The following FAM110B variants were observed in gnomAD, a reference collection of about 807,000 sequenced individuals.
The protein encoded by FAM110B is family with sequence similarity 110 member B.
A neutral mutation model predicts 20.4 loss-of-function variants in FAM110B; 6 were observed. The observed-to-expected ratio is 0.29, with a 90% CI of 0.16 to 0.58. The LOEUF is 0.58. FAM110B is among the 20% of genes least tolerant of loss of function. The probability of loss-of-function intolerance (pLI) is 0.90; values close to 1 mark genes in which losing one functional copy is unlikely to be tolerated. For synonymous variants in FAM110B, 226 were observed against 214.1 expected (o/e 1.06, Z -0.49); for missense variants, 434 against 498.2 (o/e 0.87, Z 1.23).
intron 2 of FAM110B, among the ~76,000 whole-genome samples, chr8:58,071,907 G>A (rs1429331760): frequency 1.3e-5 from 2 of 152,130 alleles, no homozygotes; most frequent in Non-Finnish European, 2.9e-5. Context: ...TACAAACCAC[G>A]CCTGTTCCCA....
chr8:58,079,684 G>A (rs1327174858), intron 3 of FAM110B, among the ~76,000 whole-genome samples: 1 of 152,086 alleles, frequency 6.6e-6, no homozygotes, highest in East Asian at 1.9e-4. Context: ...GGGAGGCTGA[G>A]GTGGGAGGAT....
intron 3 of FAM110B, among the ~76,000 whole-genome samples, chr8:58,127,802 A>G (rs1237938606): frequency 6.6e-6 from 1 of 152,264 alleles, no homozygotes; most frequent in East Asian, 1.9e-4. Context: ...AAAAAAATCA[A>G]AAGTCTAAAT....
intron 3 of FAM110B, among the ~76,000 whole-genome samples, chr8:58,113,820 C>T (rs1049836019): frequency 1.3e-5 from 2 of 152,194 alleles, no homozygotes; most frequent in Non-Finnish European, 2.9e-5. Flanking sequence ...AATGTCACTT[C>T]ATAGGTTTTC....
At chr8:58,076,624 A>G (rs1369963293) in intron 3 of FAM110B, among the ~76,000 whole-genome samples, 1 of 152,186 alleles carries the variant, frequency 6.6e-6, no homozygotes, top group African/African-American at 2.4e-5. Flanking sequence ...GTGGGGTCAA[A>G]GTACAGATGA....
intron 2 of FAM110B, among the ~76,000 whole-genome samples, chr8:58,063,900 A>T (rs533991125): frequency 4.4e-4 from 67 of 152,094 alleles, no homozygotes; most frequent in Non-Finnish European, 8.1e-4. Context: ...AATGCCTGAG[A>T]TTGGGTAGTT....
intron 3 of FAM110B, among the ~76,000 whole-genome samples, chr8:58,086,081 A>G (rs1476396348): frequency 1.3e-5 from 2 of 152,222 alleles, no homozygotes; most frequent in Non-Finnish European, 2.9e-5. Context: ...AAATGTGGCT[A>G]AAATGAAATT....
intron 2 of FAM110B, among the ~76,000 whole-genome samples, chr8:58,034,860 A>T (rs1805044194): frequency 6.6e-6 from 1 of 152,200 alleles, no homozygotes; most frequent in Non-Finnish European, 1.5e-5. Context: ...GTAAAGTAAA[A>T]ATAGCACTAT....
intron 3 of FAM110B, among the ~76,000 whole-genome samples, chr8:58,132,387 G>A (rs906902522): frequency 6.7e-6 from 1 of 150,060 alleles, no homozygotes; most frequent in African/African-American, 2.5e-5. Flanking sequence ...TGAGGGGGGC[G>A]CTGGCCAGTA....
chr8:58,012,539 GA>G (rs1344150245), intron 1 of FAM110B, among the ~76,000 whole-genome samples: 1 of 151,892 alleles, frequency 6.6e-6, no homozygotes, highest in South Asian at 2.1e-4. Flanking sequence ...AGTCCTAGGG[GA>G]AAAAAAATTA....
intron 2 of FAM110B, among the ~76,000 whole-genome samples, chr8:58,047,039 T>G (rs1281087654): frequency 6.6e-6 from 1 of 152,088 alleles, no homozygotes. Context: ...GCAAAGAAAG[T>G]TGGATAGAAG....
rs1442867651 is a variant in FAM110B, at chr8:58,148,280, C to T, written c.*937C>T. ...GGAGTGAGGCTTGTGCAGATTTGAG[C>T]TATCTGAAGACATGAACAGAAGTCA... On this transcript the variant is annotated 3_prime_UTR_variant, in exon 4 of 4. Transcript: ENST00000519262. 4 of 161,958 alleles carry T rather than the reference C, an allele frequency of 2.5e-5. No homozygotes were observed. The highest frequency in any genetic ancestry group is 1.0e-4 in the African/African-American group (4 of 39,612). The allele number at this position is 161,958 out of a possible 1,614,324, so 10.0% of individuals were successfully genotyped here.
chr8:58,097,982 T>G (rs1000096871), intron 3 of FAM110B, among the ~76,000 whole-genome samples: 1 of 152,168 alleles, frequency 6.6e-6, no homozygotes, highest in Non-Finnish European at 1.5e-5. Context: ...CTCTCCTGTG[T>G]GAGGTCCTGA....
intron 2 of FAM110B, among the ~76,000 whole-genome samples, chr8:58,041,154 T>C (rs901877511): frequency 6.6e-6 from 1 of 152,088 alleles, no homozygotes; most frequent in Non-Finnish European, 1.5e-5. Flanking sequence ...TTGGCCAGGC[T>C]GGTCTTGAAC....
intron 2 of FAM110B, among the ~76,000 whole-genome samples, chr8:58,068,156 T>C (rs1380470906): frequency 6.6e-6 from 1 of 152,264 alleles, no homozygotes; most frequent in Non-Finnish European, 1.5e-5. Flanking sequence ...GCCTGTATCC[T>C]GGCAGCCTTC....
chr8:58,002,884 C>T (rs1422850276), intron 1 of FAM110B, among the ~76,000 whole-genome samples: 1 of 152,180 alleles, frequency 6.6e-6, no homozygotes, highest in Non-Finnish European at 1.5e-5. Flanking sequence ...GCAGTTACTG[C>T]ATGTTTGGGT....
intron 3 of FAM110B, among the ~76,000 whole-genome samples, chr8:58,109,320 A>G (rs1428567155): frequency 1.3e-5 from 2 of 152,160 alleles, no homozygotes; most frequent in African/African-American, 2.4e-5. Context: ...GAAAGATGAA[A>G]AACCAATTTT....
chr8:58,098,354 C>T (rs1806687401), intron 3 of FAM110B, among the ~76,000 whole-genome samples: 1 of 152,250 alleles, frequency 6.6e-6, no homozygotes, highest in African/African-American at 2.4e-5. Context: ...GAGGGGAAAA[C>T]TGCTTATTCA....
At chr8:58,105,554 G>GAATT (rs1806885019) in intron 3 of FAM110B, among the ~76,000 whole-genome samples, 1 of 127,100 alleles carries the variant, frequency 7.9e-6, no homozygotes, top group Non-Finnish European at 1.6e-5. Flanking sequence ...ATGAATGAAT[G>GAATT]AATTTTTTTT....
At chr8:58,034,189 G>A (rs905633453) in intron 2 of FAM110B, among the ~76,000 whole-genome samples, 1 of 152,154 alleles carries the variant, frequency 6.6e-6, no homozygotes, top group Non-Finnish European at 1.5e-5. Flanking sequence ...CTAGACCAAG[G>A]CTTGTTATCC....
Sources: allele counts gnomAD v4.1 joint callset (sites outside exome capture counted in the v4.1 genomes callset), GRCh38; gene constraint gnomAD v4.1.1; transcripts MANE v1.5; gene names NCBI Gene and HGNC (gene_info 2026-07-23, HGNC 2026-07-21).